CACNA1A: variants seen among roughly 807,000 people sequenced by gnomAD.
The protein encoded by CACNA1A is calcium voltage-gated channel subunit alpha1 A, also known as voltage-dependent P/Q-type calcium channel subunit alpha-1A.
Under a neutral mutation model 262.4 loss-of-function variants are expected in CACNA1A, and 57 were observed. The ratio of observed to expected loss-of-function variants is 0.22; its 90% CI spans 0.18 to 0.27. The LOEUF is 0.27. Ranked by LOEUF, CACNA1A falls within the 10% of genes least tolerant of loss-of-function variation. The probability of loss-of-function intolerance (pLI) is 1.00; values close to 1 mark genes in which losing one functional copy is unlikely to be tolerated. For missense variants in CACNA1A, 2,526 were observed against 3,562.8 expected (o/e 0.71, Z 7.41); for synonymous variants, 1,431 against 1,419.3 (o/e 1.01, Z -0.18).
chr19:13,352,350 G>C (rs1391614391), intron 6 of CACNA1A, among the ~76,000 whole-genome samples: 2 of 147,678 alleles, frequency 1.4e-5, no homozygotes, highest in Admixed American at 7.0e-5. Context: ...AGCCAAGTGA[G>C]CCAAGATCGC....
intron 5 of CACNA1A, among the ~76,000 whole-genome samples, chr19:13,360,023 A>G (rs2059075232): frequency 6.9e-6 from 1 of 145,568 alleles, no homozygotes; most frequent in South Asian, 2.1e-4. Flanking sequence ...GTTTTCCATG[A>G]GTTTTTTTTT....
chr19:13,242,430 G>C (rs1010144409), intron 31 of CACNA1A, among the ~76,000 whole-genome samples: 1 of 151,970 alleles, frequency 6.6e-6, no homozygotes, highest in African/African-American at 2.4e-5. Context: ...TGAGTAGCTG[G>C]GATTACAGGC....
chr19:13,414,263 T>C (rs1369949247), intron 3 of CACNA1A, among the ~76,000 whole-genome samples: 1 of 152,080 alleles, frequency 6.6e-6, no homozygotes, highest in Non-Finnish European at 1.5e-5. Context: ...CCAAGCATGA[T>C]GGTGCATGCC....
intron 3 of CACNA1A, among the ~76,000 whole-genome samples, chr19:13,418,345 T>C (rs1374060760): frequency 6.6e-6 from 1 of 152,132 alleles, no homozygotes; most frequent in Non-Finnish European, 1.5e-5. Flanking sequence ...TGGGAGGCAG[T>C]CCCAGATGTC....
intron 31 of CACNA1A, chr19:13,243,921 A>C (rs1162911365): frequency 6.6e-6 from 1 of 152,366 alleles, no homozygotes; most frequent in Non-Finnish European, 1.5e-5. Flanking sequence ...GACCACACCC[A>C]GATCTATTCT....
Position 13,206,564 on chromosome 19 carries a change from G to GTGAT in CACNA1A, c.*745_*748dup, listed in dbSNP as rs1017426220. ...GAAAAAAGAAGCAAAGGAATCGGTG[G>GTGAT]TGATGGTGGGTTTTTCTTCTTCTTT... On this transcript the variant is annotated 3_prime_UTR_variant, in exon 47 of 47. Coordinates refer to ENST00000360228, the MANE Select transcript of CACNA1A (RefSeq NM_001127222.2). 6.5e-6 allele frequency: 1 copy of GTGAT among 153,860 alleles called. No individual in the cohort carries two copies. The highest frequency in any genetic ancestry group is 2.4e-5 in the African/African-American group (1 of 41,468). 9.5% of individuals were successfully genotyped at this position (153,860 alleles called of 1,614,324 possible).
chr19:13,371,449 G>A, intron 4 of CACNA1A: 2 of 510,710 alleles, frequency 3.9e-6, no homozygotes, highest in South Asian at 3.1e-5. Context: ...TGCTTAGCAT[G>A]GCTCCCGATA....
At chr19:13,476,678 G>A (rs1383020354) in intron 1 of CACNA1A, among the ~76,000 whole-genome samples, 2 of 152,070 alleles carry the variant, frequency 1.3e-5, no homozygotes, top group African/African-American at 4.8e-5. Context: ...CTGTGGAATT[G>A]CACACCTCAA....
chr19:13,268,834 G>T (rs1035285732), intron 24 of CACNA1A, among the ~76,000 whole-genome samples: 1 of 151,464 alleles, frequency 6.6e-6, no homozygotes, highest in Non-Finnish European at 1.5e-5. Flanking sequence ...GTCTGACTTG[G>T]GGTTCTCAAA....
At chr19:13,496,785 C>A (rs1981583052) in intron 1 of CACNA1A, among the ~76,000 whole-genome samples, 1 of 152,156 alleles carries the variant, frequency 6.6e-6, no homozygotes, top group Non-Finnish European at 1.5e-5. Flanking sequence ...ATATGGCCAC[C>A]CACATAAGTC....
chr19:13,292,930 T>C (rs1176922683), intron 19 of CACNA1A, among the ~76,000 whole-genome samples: 2 of 152,098 alleles, frequency 1.3e-5, no homozygotes, highest in Non-Finnish European at 2.9e-5. Context: ...ATAATGTCTC[T>C]CCCGGCCAGA....
At position 13,403,591 on chromosome 19, in the gene CACNA1A, G is replaced by A. The variant is rs376155928; in HGVS notation, c.540-31812C>T. On this transcript the variant is annotated intron_variant, in intron 3 of 46. Transcript: ENST00000360228. ...GTTTGAAAAATACACACCATGTTGCGTATGGGTGTGGATAGGGCCAGGCTC... is the reference window on the plus strand; with the variant it reads ...GTTTGAAAAATACACACCATGTTGCATATGGGTGTGGATAGGGCCAGGCTC... 1.2e-4 allele frequency among the ~76,000 whole-genome samples: 19 copies of A among 152,220 alleles called. No individual in the cohort carries two copies. The South Asian group carries it at 1.9e-3, about 15-fold the overall frequency.
rs1329383367 is a variant in CACNA1A at position 13,208,914 on chromosome 19, G to C, written c.6622C>G (p.Arg2208Gly). 8.5e-6 allele frequency: 13 copies of C among 1,536,904 alleles called. No individual in the cohort carries two copies. Among genetic ancestry groups the C allele is most frequent in the South Asian group, 1.2e-5 (1 of 84,054 alleles). The change falls in exon 46 of 47, where the codon CGA becomes GGA. Residue 2208 changes from arginine to glycine, a missense_variant. Arg to Gly is a moderately radical substitution (Grantham distance 125). Around this residue, in one of 17 missense-constraint regions of CACNA1A, gnomAD observed 929 missense variants for 868.1 expected, o/e 1.07. Transcript: ENST00000360228. ...TGGTGGTGGTGGTGGTGGTGCTGTC[G>C]ATGCTTCCGATCCTTGGGCCGGCCC... Reference protein sequence around the residue: ...ERGRPKDRKHRQHHHHHHHHH... With the variant: ...ERGRPKDRKHGQHHHHHHHHH...
At chr19:13,319,527 C>T (rs781470528) in intron 10 of CACNA1A, among the ~76,000 whole-genome samples, 6 of 152,136 alleles carry the variant, frequency 3.9e-5, no homozygotes, top group Non-Finnish European at 8.8e-5. Context: ...AAAACCACCC[C>T]ACTTGCCAGA....
At chr19:13,434,313 C>T (rs914900325) in intron 3 of CACNA1A, among the ~76,000 whole-genome samples, 14 of 152,130 alleles carry the variant, frequency 9.2e-5, no homozygotes, top group African/African-American at 3.4e-4. Context: ...ACTGTTATTA[C>T]TGATACCTTC....
intron 4 of CACNA1A, among the ~76,000 whole-genome samples, chr19:13,367,022 C>T (rs967060008): frequency 5.3e-5 from 8 of 152,068 alleles, no homozygotes; most frequent in African/African-American, 1.9e-4. Context: ...CAGGGCGCGG[C>T]GGCGGTTCAC....
At chr19:13,424,402 T>A (rs962831195) in intron 3 of CACNA1A, among the ~76,000 whole-genome samples, 11 of 152,042 alleles carry the variant, frequency 7.2e-5, no homozygotes, top group Admixed American at 1.3e-4. Flanking sequence ...CAACAGTCAA[T>A]GCATGCCAAG....
In CACNA1A at chr19:13,253,445, C is replaced by CTTTTT. The variant is rs57960659; in HGVS notation, c.4756-349_4756-345dup. ...CGCCATTGTGCTTGGCTGAATTATA[C>CTTTTT]TTTTTTTTTTTTTTTTTTTTTGAGG... On this transcript the variant is annotated intron_variant, in intron 29 of 46. Transcript: ENST00000360228. 1.3e-3 allele frequency among the ~76,000 whole-genome samples: 126 copies of CTTTTT among 94,236 alleles called. 1 individual carries two copies. Among genetic ancestry groups the CTTTTT allele is most frequent in the East Asian group, 2.9e-3 (10 of 3,450 alleles). The allele number at this position is 94,236 out of a possible 152,430, so 61.8% of individuals were successfully genotyped here.
At chr19:13,255,448 A>G (rs559709021) in intron 28 of CACNA1A, among the ~76,000 whole-genome samples, 189 bp from the exon 29 acceptor site, 1 of 152,152 alleles carries the variant, frequency 6.6e-6, no homozygotes, top group African/African-American at 2.4e-5. Flanking sequence ...CAACAGCTAC[A>G]GTTGCTTGAG....
Sources: allele counts gnomAD v4.1 joint callset (sites outside exome capture counted in the v4.1 genomes callset), GRCh38; gene constraint gnomAD v4.1.1; regional missense constraint gnomAD v4.1.1; transcripts MANE v1.5; gene names NCBI Gene and HGNC (gene_info 2026-07-23, HGNC 2026-07-21).